Variants in ARK2C observed in about 807,000 individuals in gnomAD.
The protein encoded by ARK2C is arkadia (RNF111) C-terminal like ring finger ubiquitin ligase 2C.
chr18:46,380,969 T>C, the ARK2C span, among the ~76,000 whole-genome samples: 4 of 152,138 alleles, frequency 2.6e-5, no homozygotes, highest in Admixed American at 2.6e-4. Context: ...AGAAGCACAT[T>C]TGTCACAGAG....
At chr18:46,456,682 C>T in the ARK2C span, 1 of 1,370,974 alleles carries the variant, frequency 7.3e-7, no homozygotes, top group Admixed American at 1.7e-5. Context: ...ACCAGGTCCC[C>T]CCACGGCCAT....
At chr18:46,334,791 T>A in the ARK2C span, 2 of 240,788 alleles carry the variant, frequency 8.3e-6, no homozygotes, top group Non-Finnish European at 7.5e-6. The surrounding 1 kb of genome is among the most constrained non-coding windows in gnomAD (Gnocchi z 4.4). Flanking sequence ...ATATGTGTGT[T>A]TTGTGTTATG....
At chr18:46,446,129 A>G in the ARK2C span, among the ~76,000 whole-genome samples, 1 of 152,206 alleles carries the variant, frequency 6.6e-6, no homozygotes, top group African/African-American at 2.4e-5. Flanking sequence ...TTCTTCCACC[A>G]GAGAGCACTA....
chr18:46,442,110 T>C, the ARK2C span, among the ~76,000 whole-genome samples: 7 of 146,102 alleles, frequency 4.8e-5, no homozygotes, highest in Non-Finnish European at 1.0e-4. Flanking sequence ...TTGCAGTGAG[T>C]CGAGATCGCG....
the ARK2C span, among the ~76,000 whole-genome samples, chr18:46,385,293 T>C: frequency 6.6e-6 from 1 of 152,102 alleles, no homozygotes; most frequent in Admixed American, 6.5e-5. Context: ...TCCTGGGAGA[T>C]GAAAGTGGTG....
chr18:46,453,853 C>T, the ARK2C span, among the ~76,000 whole-genome samples: 1 of 151,790 alleles, frequency 6.6e-6, no homozygotes, highest in Non-Finnish European at 1.5e-5. Context: ...GGGCTGGGCA[C>T]ACTGGCTCAT....
chr18:46,454,993 T>A, the ARK2C span, among the ~76,000 whole-genome samples: 1 of 152,222 alleles, frequency 6.6e-6, no homozygotes, highest in Non-Finnish European at 1.5e-5. Context: ...AATGGTAAAC[T>A]ACATAATGAT....
At chr18:46,456,768 AG>A in the ARK2C span, 1 of 723,306 alleles carries the variant, frequency 1.4e-6, no homozygotes, top group Non-Finnish European at 2.5e-6. Context: ...TTGTGGAAAG[AG>A]GAGTTGGTGG....
chr18:46,353,697 C>T, the ARK2C span, among the ~76,000 whole-genome samples: 1 of 152,224 alleles, frequency 6.6e-6, no homozygotes, highest in Non-Finnish European at 1.5e-5. Flanking sequence ...AGGACTCTGG[C>T]TCCTTCCCAC....
the ARK2C span, among the ~76,000 whole-genome samples, chr18:46,432,813 C>A: frequency 6.6e-6 from 1 of 152,116 alleles, no homozygotes; most frequent in Non-Finnish European, 1.5e-5. Context: ...GGCGCGGTGG[C>A]GGGCGCCTGT....
chr18:46,439,609 C>T, the ARK2C span, among the ~76,000 whole-genome samples: 1 of 152,162 alleles, frequency 6.6e-6, no homozygotes, highest in African/African-American at 2.4e-5. Context: ...CACAAGTTTC[C>T]ATGCATGCTT....
At chr18:46,391,561 G>A in the ARK2C span, among the ~76,000 whole-genome samples, 1 of 151,996 alleles carries the variant, frequency 6.6e-6, no homozygotes, top group African/African-American at 2.4e-5. Context: ...GCCTCTATGG[G>A]GCAGGCCCTG....
the ARK2C span, chr18:46,334,555 G>A: frequency 4.8e-5 from 24 of 495,082 alleles, no homozygotes; most frequent in African/African-American, 4.5e-4. This position sits in a 1 kb window ranked among gnomAD's most constrained non-coding sequence, Gnocchi z 4.4. Flanking sequence ...GCGAATTTGG[G>A]TCCCTTCCTC....
At chr18:46,360,682 A>G in the ARK2C span, among the ~76,000 whole-genome samples, 1 of 152,100 alleles carries the variant, frequency 6.6e-6, no homozygotes, top group Non-Finnish European at 1.5e-5. Flanking sequence ...ATGGGGTGCT[A>G]TGGGAGAACC....
chr18:46,416,550 T>C, the ARK2C span, among the ~76,000 whole-genome samples: 3 of 152,172 alleles, frequency 2.0e-5, no homozygotes, highest in East Asian at 5.8e-4. Context: ...ACAACGCCAT[T>C]TGTATCAGTT....
At chr18:46,366,287 T>C in the ARK2C span, among the ~76,000 whole-genome samples, 1 of 99,398 alleles carries the variant, frequency 1.0e-5, no homozygotes, top group African/African-American at 4.0e-5. Context: ...AGCAGAACTC[T>C]GGCTCAAAAA....
chr18:46,342,125 G>A, the ARK2C span, among the ~76,000 whole-genome samples: 1 of 152,200 alleles, frequency 6.6e-6, no homozygotes, highest in African/African-American at 2.4e-5. Context: ...CACAGCCCAT[G>A]AGGAGTTAAT....
chr18:46,335,210 C>G, the ARK2C span: 1 of 152,232 alleles, frequency 6.6e-6, no homozygotes, highest in Admixed American at 6.5e-5. Flanking sequence ...AGGTGGGAAG[C>G]TGCCCCCACG....
chr18:46,390,029 AT>A, the ARK2C span, among the ~76,000 whole-genome samples: 1 of 152,134 alleles, frequency 6.6e-6, no homozygotes, highest in Non-Finnish European at 1.5e-5. Context: ...TGAAATGGTC[AT>A]TTCTAACCAG....
Sources: gnomAD v4.1 joint callset for allele counts (sites outside exome capture counted in the v4.1 genomes callset) on GRCh38, gnomAD v4.1.1 for gene constraint, Gnocchi (gnomAD v3.1) non-coding constraint, MANE v1.5 for transcripts, NCBI Gene and HGNC (gene_info 2026-07-23, HGNC 2026-07-21) for gene names.